Variants in UTP20 observed in about 807,000 individuals in gnomAD.
UTP20 encodes UTP20 small subunit processome component.
UTP20 carries 164 observed loss-of-function variants against 329.5 expected under a neutral mutation model. That is an observed-to-expected ratio of 0.50 (90% confidence interval 0.44 to 0.57). The LOEUF (loss-of-function observed/expected upper bound fraction) is 0.57, where lower values mean the gene tolerates loss of function less well. Ranked by LOEUF, UTP20 falls within the 20% of genes least tolerant of loss-of-function variation. The probability of loss-of-function intolerance (pLI) is 0.00; values close to 1 mark genes in which losing one functional copy is unlikely to be tolerated. For synonymous variants in UTP20, 1,151 were observed against 1,159.3 expected (o/e 0.99, Z 0.14); for missense variants, 3,055 against 3,284.2 (o/e 0.93, Z 1.71).
At chr12:101,286,922 T>C (rs1871977823) in intron 5 of UTP20, among the ~76,000 whole-genome samples, 1 of 152,210 alleles carries the variant, frequency 6.6e-6, no homozygotes, top group Admixed American at 6.5e-5. Flanking sequence ...AGAGCCCTGT[T>C]TTAAACACTG....
At position 101,375,626 on chromosome 12, in the gene UTP20, C is replaced by A; in HGVS notation, c.7266C>A (p.Ile2422=). ...KEIDPENFKD[I]MEETEEKAAD... ...ATTTACATCCGTCTTGTTTTTAGAT[C>A]ATGGAAGAAACTGAAGAAAAAGCTG... Residue 2422 remains isoleucine (I), a splice_region_variant and synonymous_variant, in exon 56 of 62, where the codon ATC becomes ATA. Transcript: ENST00000261637. 6.2e-7 allele frequency: 1 copy of A among 1,609,496 alleles called. No homozygotes were observed. Among genetic ancestry groups the A allele is most frequent in the Middle Eastern group, 1.7e-4 (1 of 6,014 alleles).
Position 101,297,214 on chromosome 12 carries a change from T to TTTA in UTP20, c.1430+1571_1430+1573dup, listed in dbSNP as rs572437176. ...CCTATTTTCTTTTTTAAATGTTTTA[T>TTTA]TTATTATTATTATTATTTTAAGAGC... is the stretch of plus-strand genomic sequence containing the variant. On this transcript the variant is annotated intron_variant, in intron 12 of 61. Transcript: ENST00000261637. Among the ~76,000 whole-genome samples, 342 of 152,048 alleles carry TTTA rather than the reference T, an allele frequency of 2.2e-3. 2 individuals carry two copies. The highest frequency in any genetic ancestry group is 0.013 in the South Asian group (61 of 4,798).
Position 101,281,299 on chromosome 12 carries a change from G to A in UTP20, c.126+103G>A, listed in dbSNP as rs1232537831. 1.2e-5 allele frequency: 12 copies of A among 1,010,826 alleles called. No homozygotes were observed. The East Asian group carries it at 1.7e-4, about 15-fold the overall frequency. The allele number at this position is 1,010,826 out of a possible 1,614,324, so 62.6% of individuals were successfully genotyped here. Reference sequence around the variant, plus strand: ...TTTCAAGGTATTCCTTTTTGGACATGAAATGCTTTAGACCTGTGCTGTTTC... The same window carrying A: ...TTTCAAGGTATTCCTTTTTGGACATAAAATGCTTTAGACCTGTGCTGTTTC... On this transcript the variant is annotated intron_variant, in intron 2 of 61. Transcript: ENST00000261637.
At chr12:101,335,046 T>A (rs755674691) in intron 29 of UTP20, among the ~76,000 whole-genome samples, 1 of 151,848 alleles carries the variant, frequency 6.6e-6, no homozygotes, top group Non-Finnish European at 1.5e-5. Context: ...TGTGTCTATG[T>A]GTATAAATAT....
intron 61 of UTP20, 91 bp downstream of exon 61, chr12:101,385,819 T>C: frequency 2.0e-6 from 3 of 1,525,864 alleles, no homozygotes; most frequent in Non-Finnish European, 2.6e-6. Flanking sequence ...TTAGGGAGGA[T>C]CAAGGGTTTG....
At chr12:101,313,135 T>C (rs928313892) in intron 21 of UTP20, among the ~76,000 whole-genome samples, 1 of 152,198 alleles carries the variant, frequency 6.6e-6, no homozygotes, top group African/African-American at 2.4e-5. Flanking sequence ...GAGAGTCTGA[T>C]TGTATTAAAA....
At position 101,310,595 on chromosome 12, in the gene UTP20, A is replaced by AAAAAAG. The variant is rs1330692306; in HGVS notation, c.2231+759_2231+760insAAGAAA. On this transcript the variant is annotated intron_variant, in intron 19 of 61. Transcript: ENST00000261637. ...TGTCTCCCAAAAAAAAAAAAAAAAA[A>AAAAAAG]AAATACATGTTATGGCTCATGTGTA... Among the ~76,000 whole-genome samples, 103 of 121,744 alleles carry AAAAAAG rather than the reference A, an allele frequency of 8.5e-4. 4 individuals are homozygous for AAAAAAG. The highest frequency in any genetic ancestry group is 1.9e-3 in the Non-Finnish European group (94 of 49,786). The allele number at this position is 121,744 out of a possible 152,430, so 79.9% of individuals were successfully genotyped here. A position where few individuals can be genotyped will look rare whatever the true frequency, so the allele number is the denominator to read the frequency against.
At chr12:101,295,348 A>T (rs1336956004) in intron 11 of UTP20, 132 bp from the exon 12 acceptor site, 2 of 785,310 alleles carry the variant, frequency 2.5e-6, no homozygotes, top group South Asian at 4.5e-5. Flanking sequence ...TTTAGTTTCC[A>T]TTGTTCCTAT....
chr12:101,311,719 T>C lies in UTP20; in HGVS notation c.2232T>C (p.Ser744=). The change falls in exon 20 of 62, where the codon AGT becomes AGC. Residue 744 remains serine, a splice_region_variant and synonymous_variant. Coordinates refer to ENST00000261637, the MANE Select transcript of UTP20 (RefSeq NM_014503.3). ...TTTTGTGATTTTTTTTTTCCCTTAG[T>C]TCTCATGCACACGAAATGGAAAATA... ...ALWDPVIELI[S]SHAHEMENKQ... 1 of 1,610,806 alleles carries C rather than the reference T, an allele frequency of 6.2e-7. No individual in the cohort carries two copies. The highest frequency in any genetic ancestry group is 1.7e-4 in the Middle Eastern group (1 of 6,052).
Position 101,367,846 on chromosome 12 carries a change from T to C in UTP20, c.6268-14T>C, listed in dbSNP as rs1480088499. The stretch of plus-strand genomic sequence containing the variant: ...TGGGCAACTAATGTGAAATACCTGT[T>C]TGAACTCTCTTAGCTGCTGCATCTG... On this transcript the variant is annotated splice_polypyrimidine_tract_variant and intron_variant, in intron 47 of 61. Transcript: ENST00000261637. The C allele has an allele frequency of 1.3e-6, 2 of 1,583,680 alleles. No individual in the cohort carries two copies. Among genetic ancestry groups the C allele is most frequent in the Non-Finnish European group, 1.7e-6 (2 of 1,152,882 alleles).
At chr12:101,319,764 C>CT (rs540120041) in intron 23 of UTP20, 129 bp downstream of exon 23, 14,662 of 550,412 alleles carry the variant, frequency 0.027, 29 homozygotes, top group Non-Finnish European at 0.028. Context: ...GTATTAAAGC[C>CT]TTTTTTTTTT....
chr12:101,325,344 C>G (rs1301058139), intron 25 of UTP20, among the ~76,000 whole-genome samples: 1 of 152,208 alleles, frequency 6.6e-6, no homozygotes, highest in African/African-American at 2.4e-5. Flanking sequence ...GCGATGCCTT[C>G]TTCAAGTAGT....
intron 54 of UTP20, among the ~76,000 whole-genome samples, chr12:101,374,108 G>C (rs1018001394): frequency 6.7e-6 from 1 of 150,288 alleles, no homozygotes; most frequent in Admixed American, 6.6e-5. Context: ...AGTGGCGGGC[G>C]CCTGTAGTCC....
chr12:101,383,638 T>G lies in UTP20; in HGVS notation c.8025T>G (p.Phe2675Leu). Reference protein sequence around the residue: ...PYLPMIIAPLFRELNSTYSEQ... With the variant: ...PYLPMIIAPLLRELNSTYSEQ... ...TCCCAATGATCATAGCTCCTTTGTT[T>G]CGGGAACTCAACAGCACCTATTCAG... Residue 2675 changes from phenylalanine (F) to leucine (L), a missense_variant, in exon 60 of 62, where the codon TTT (phenylalanine) becomes TTG (leucine). Transcript: ENST00000261637. 6.2e-7 allele frequency: 1 copy of G among 1,613,756 alleles called. No homozygotes were observed. Among genetic ancestry groups the G allele is most frequent in the African/African-American group, 1.3e-5 (1 of 75,020 alleles).
chr12:101,355,922 G>A (rs1869704565), intron 41 of UTP20, among the ~76,000 whole-genome samples: 1 of 152,038 alleles, frequency 6.6e-6, no homozygotes, highest in African/African-American at 2.4e-5. Flanking sequence ...TTTTATATGA[G>A]TTTCCTATAC....
At chr12:101,340,491 G>C in intron 31 of UTP20, 32 bp from the exon 32 acceptor site, 1 of 1,357,080 alleles carries the variant, frequency 7.4e-7, no homozygotes, top group Non-Finnish European at 1.0e-6. Flanking sequence ...CCTTGTATAT[G>C]TTCCTTATAT....
chr12:101,335,879 A>C (rs1168361989), intron 29 of UTP20, among the ~76,000 whole-genome samples: 2 of 152,208 alleles, frequency 1.3e-5, no homozygotes, highest in Non-Finnish European at 2.9e-5. Flanking sequence ...TATCTTTATC[A>C]TTGGACATTT....
At chr12:101,357,198 C>A in intron 43 of UTP20, 116 bp downstream of exon 43, 1 of 932,196 alleles carries the variant, frequency 1.1e-6, no homozygotes, top group Non-Finnish European at 1.6e-6. Flanking sequence ...CACTGACACT[C>A]TGAGCAGTAA....
At chr12:101,379,014 A>C (rs1015000559) in intron 56 of UTP20, among the ~76,000 whole-genome samples, 5 of 152,210 alleles carry the variant, frequency 3.3e-5, no homozygotes, top group Non-Finnish European at 7.3e-5. Context: ...TACAATGTCC[A>C]ATGATCCAAT....
Sources: allele counts gnomAD v4.1 joint callset (sites outside exome capture counted in the v4.1 genomes callset), GRCh38; gene constraint gnomAD v4.1.1; transcripts MANE v1.5; gene names NCBI Gene and HGNC (gene_info 2026-07-23, HGNC 2026-07-21).